SPIRE1: variants seen among roughly 807,000 people sequenced by gnomAD.
The protein encoded by SPIRE1 is protein spire homolog 1.
In SPIRE1, 40 loss-of-function variants were observed where a neutral mutation model predicts 94.1. The observed-to-expected ratio is 0.43, with a 90% CI of 0.33 to 0.55. The LOEUF (loss-of-function observed/expected upper bound fraction) is 0.55. SPIRE1 is among the 20% of genes least tolerant of loss of function. SPIRE1 has a pLI of 0.06. For synonymous variants in SPIRE1, 376 were observed against 371.7 expected (o/e 1.01, Z -0.13); for missense variants, 838 against 975.2 (o/e 0.86, Z 1.87).
intron 2 of SPIRE1, among the ~76,000 whole-genome samples, chr18:12,605,646 C>T (rs2036954859): frequency 6.6e-6 from 1 of 152,130 alleles, no homozygotes; most frequent in African/African-American, 2.4e-5. Flanking sequence ...AAAAAAATTA[C>T]CACATGCATT....
intron 2 of SPIRE1, among the ~76,000 whole-genome samples, chr18:12,598,457 T>C (rs1567958446): frequency 6.6e-6 from 1 of 151,712 alleles, no homozygotes; most frequent in East Asian, 1.9e-4. Context: ...TTTACACTGT[T>C]TTTTTTTTCC....
At chr18:12,474,864 T>C (rs2032502862) in intron 10 of SPIRE1, among the ~76,000 whole-genome samples, 1 of 151,952 alleles carries the variant, frequency 6.6e-6, no homozygotes, top group Non-Finnish European at 1.5e-5. Context: ...GCCATTAAAT[T>C]TGAGGAGGAG....
chr18:12,616,841 G>C (rs1313258503), intron 2 of SPIRE1, among the ~76,000 whole-genome samples: 1 of 152,094 alleles, frequency 6.6e-6, no homozygotes, highest in East Asian at 1.9e-4. Flanking sequence ...ACAATTCTTT[G>C]TATTCATTTT....
At chr18:12,497,381 C>T (rs2033496086) in intron 6 of SPIRE1, among the ~76,000 whole-genome samples, 1 of 152,122 alleles carries the variant, frequency 6.6e-6, no homozygotes, top group Non-Finnish European at 1.5e-5. Flanking sequence ...ACTTAGAAGG[C>T]ACAGTCATGA....
chr18:12,529,368 CA>C (rs145981470), intron 4 of SPIRE1, among the ~76,000 whole-genome samples: 179 of 126,348 alleles, frequency 1.4e-3, no homozygotes, highest in Admixed American at 4.2e-3. Flanking sequence ...GACTCCGTCT[CA>C]AAAAAAAAAA....
At chr18:12,638,719 A>C (rs1182245198) in intron 1 of SPIRE1, among the ~76,000 whole-genome samples, 3 of 152,094 alleles carry the variant, frequency 2.0e-5, no homozygotes, top group African/African-American at 7.2e-5. Flanking sequence ...GATGGTTTCT[A>C]ATGGTGTAGC....
chr18:12,592,378 C>T (rs2036559324), intron 2 of SPIRE1, among the ~76,000 whole-genome samples: 1 of 152,162 alleles, frequency 6.6e-6, no homozygotes. Flanking sequence ...TCACATTTTT[C>T]ATTTCTTCTT....
intron 2 of SPIRE1, among the ~76,000 whole-genome samples, chr18:12,626,170 T>C (rs2037621041): frequency 1.3e-5 from 2 of 152,160 alleles, no homozygotes; most frequent in Non-Finnish European, 2.9e-5. Flanking sequence ...TTATACTCCG[T>C]ATAAAGCAGC....
At chr18:12,633,280 T>C (rs1034955384) in intron 2 of SPIRE1, among the ~76,000 whole-genome samples, 6 of 152,032 alleles carry the variant, frequency 3.9e-5, no homozygotes, top group African/African-American at 1.2e-4. Flanking sequence ...TTGGAAAAAA[T>C]TGTCCCTCCT....
At chr18:12,462,443 T>C (rs1028339269) in intron 12 of SPIRE1, among the ~76,000 whole-genome samples, 1 of 152,240 alleles carries the variant, frequency 6.6e-6, no homozygotes, top group African/African-American at 2.4e-5. Context: ...AGAAGCCAAG[T>C]GGCGCTACAA....
At chr18:12,452,663 A>G (rs1001057897) in intron 14 of SPIRE1, 151 bp from the exon 15 acceptor site, 5 of 780,306 alleles carry the variant, frequency 6.4e-6, no homozygotes, top group Non-Finnish European at 1.1e-5. Flanking sequence ...GACACACTGA[A>G]TTGCCAAAAA....
intron 10 of SPIRE1, among the ~76,000 whole-genome samples, chr18:12,476,921 T>A (rs1434445269): frequency 1.3e-5 from 2 of 152,150 alleles, no homozygotes; most frequent in African/African-American, 2.4e-5. Flanking sequence ...TTTAAACCAG[T>A]AGCTAGTGAC....
chr18:12,615,693 G>A (rs1468653107), intron 2 of SPIRE1, among the ~76,000 whole-genome samples: 1 of 151,816 alleles, frequency 6.6e-6, no homozygotes, highest in Non-Finnish European at 1.5e-5. Flanking sequence ...TCAGTGTTCT[G>A]TACTTCAATA....
chr18:12,521,664 T>C (rs1207430436), intron 4 of SPIRE1, among the ~76,000 whole-genome samples: 2 of 152,196 alleles, frequency 1.3e-5, no homozygotes, highest in African/African-American at 4.8e-5. Context: ...AATTGAAGGT[T>C]TGCAGCAACC....
chr18:12,654,040 T>C (rs1027448193), intron 1 of SPIRE1, among the ~76,000 whole-genome samples: 4 of 151,254 alleles, frequency 2.6e-5, no homozygotes, highest in Non-Finnish European at 4.4e-5. Flanking sequence ...ATAAATACAA[T>C]GAAAAAGAAA....
chr18:12,622,419 G>GTTTTTTT (rs1598546094), intron 2 of SPIRE1, among the ~76,000 whole-genome samples: 1 of 91,832 alleles, frequency 1.1e-5, no homozygotes, highest in Non-Finnish European at 2.6e-5. Context: ...GCTATGTCCA[G>GTTTTTTT]TCTTTTTTTT....
intron 2 of SPIRE1, among the ~76,000 whole-genome samples, chr18:12,602,682 A>G (rs1384335906): frequency 6.6e-6 from 1 of 152,320 alleles, no homozygotes. Context: ...TGCAACCCAG[A>G]TATAGGAGAC....
At position 12,449,277 on chromosome 18, in the gene SPIRE1, T is replaced by G; in HGVS notation, c.*361A>C. 1 of 272,268 alleles carries G rather than the reference T, an allele frequency of 3.7e-6. No individual in the cohort carries two copies. Among genetic ancestry groups the G allele is most frequent in the South Asian group, 4.4e-5 (1 of 22,528 alleles). The allele number at this position is 272,268 out of a possible 1,614,324, so 16.9% of individuals were successfully genotyped here. A position where few individuals can be genotyped will look rare whatever the true frequency, so the allele number is the denominator to read the frequency against. ...GGCTGTGCTGACATCGGCATCTCTG[T>G]TAGACTGATTCTCGTAGGAGAAGCT... On this transcript the variant is annotated 3_prime_UTR_variant, in exon 17 of 17. Coordinates refer to ENST00000409402, the MANE Select transcript of SPIRE1 (RefSeq NM_001128626.2).
At chr18:12,639,396 T>C (rs1023052915) in intron 1 of SPIRE1, among the ~76,000 whole-genome samples, 58 of 152,164 alleles carry the variant, frequency 3.8e-4, no homozygotes, top group African/African-American at 1.4e-3. Flanking sequence ...TGTAAATCCC[T>C]TGATGCTATA....
Sources: gnomAD v4.1 joint callset for allele counts (sites outside exome capture counted in the v4.1 genomes callset) on GRCh38, gnomAD v4.1.1 for gene constraint, MANE v1.5 for transcripts, NCBI Gene and HGNC (gene_info 2026-07-23, HGNC 2026-07-21) for gene names.